The following MLLT10 variants were observed in gnomAD, a reference collection of about 807,000 sequenced individuals.
MLLT10 encodes protein AF-10.
In MLLT10, 30 loss-of-function variants were observed where a neutral mutation model predicts 129.1. The ratio of observed to expected loss-of-function variants is 0.23; its 90% CI spans 0.17 to 0.32. MLLT10 has a LOEUF of 0.32. MLLT10 is among the 10% of genes least tolerant of loss of function. The pLI is 1.00. For synonymous variants in MLLT10, 490 were observed against 446.4 expected (o/e 1.10, Z -1.23); for missense variants, 1,119 against 1,268.3 (o/e 0.88, Z 1.79).
chr10:21,658,955 C>T (rs1395144755), intron 9 of MLLT10, among the ~76,000 whole-genome samples: 3 of 152,022 alleles, frequency 2.0e-5, no homozygotes, highest in African/African-American at 7.2e-5. Flanking sequence ...CATGAGCCAC[C>T]GTGCTTAGCT....
chr10:21,689,127 T>C (rs2053574788), intron 13 of MLLT10, among the ~76,000 whole-genome samples: 2 of 152,124 alleles, frequency 1.3e-5, no homozygotes, highest in African/African-American at 4.8e-5. Context: ...TTCTTGAGAC[T>C]GTCTTAGCTT....
chr10:21,716,036 G>A (rs1472421256), intron 14 of MLLT10, among the ~76,000 whole-genome samples: 2 of 152,232 alleles, frequency 1.3e-5, no homozygotes, highest in Non-Finnish European at 2.9e-5. Context: ...GAGGCACGTT[G>A]ACCTCTCAGT....
chr10:21,697,860 C>T (rs1044557235), intron 13 of MLLT10, among the ~76,000 whole-genome samples: 1 of 152,206 alleles, frequency 6.6e-6, no homozygotes, highest in East Asian at 1.9e-4. Context: ...CGATTAACAA[C>T]AGAAGTGTTT....
At chr10:21,606,252 C>T (rs1422116320) in intron 5 of MLLT10, among the ~76,000 whole-genome samples, 1 of 152,144 alleles carries the variant, frequency 6.6e-6, no homozygotes, top group East Asian at 1.9e-4. Context: ...ATTAGTAACC[C>T]TTTGACAAGG....
chr10:21,700,572 C>T (rs906211758), intron 13 of MLLT10, among the ~76,000 whole-genome samples: 5 of 151,952 alleles, frequency 3.3e-5, no homozygotes, highest in East Asian at 1.9e-4. Context: ...TAATATGAAG[C>T]GATGTTGAAT....
intron 9 of MLLT10, among the ~76,000 whole-genome samples, chr10:21,653,380 G>GA (rs1230840364): frequency 9.9e-5 from 15 of 152,238 alleles, no homozygotes; most frequent in African/African-American, 3.6e-4. Flanking sequence ...GTCAGGTGGG[G>GA]ATCAGCCCTT....
chr10:21,708,818 C>T (rs893498985), intron 13 of MLLT10: 2 of 835,336 alleles, frequency 2.4e-6, no homozygotes, highest in Non-Finnish European at 2.9e-6. Flanking sequence ...ATTAGAGGAC[C>T]TGGTAGTTAC....
At chr10:21,543,047 C>T (rs533299674) in intron 3 of MLLT10, among the ~76,000 whole-genome samples, 1 of 152,036 alleles carries the variant, frequency 6.6e-6, no homozygotes, top group Non-Finnish European at 1.5e-5. Context: ...CAGCATCCGC[C>T]TCCCGGGTTC....
At chr10:21,546,236 C>G (rs1221351516) in intron 3 of MLLT10, among the ~76,000 whole-genome samples, 1 of 151,446 alleles carries the variant, frequency 6.6e-6, no homozygotes, top group Non-Finnish European at 1.5e-5. Context: ...TGCCACGATG[C>G]TTGGCTAGTT....
At chr10:21,584,787 A>G (rs561548973) in intron 3 of MLLT10, among the ~76,000 whole-genome samples, 16 of 151,336 alleles carry the variant, frequency 1.1e-4, no homozygotes, top group Non-Finnish European at 1.9e-4. Flanking sequence ...GTATGTGTGT[A>G]TATATATATA....
chr10:21,543,893 C>T (rs1433089915), intron 3 of MLLT10, among the ~76,000 whole-genome samples: 1 of 152,164 alleles, frequency 6.6e-6, no homozygotes, highest in Non-Finnish European at 1.5e-5. Flanking sequence ...ATGTATTTCA[C>T]CCAGAAAGGG....
intron 3 of MLLT10, chr10:21,557,948 C>CTTTTTTTTTTTTTTTTTTT (rs945740582): frequency 9.6e-6 from 1 of 104,458 alleles, no homozygotes; most frequent in East Asian, 2.5e-4. Context: ...TTTTTTTTTT[C>CTTTTTTTTTTTTTTTTTTT]TTTTTTTTTT....
chr10:21,584,167 C>CT (rs1307789215), intron 3 of MLLT10, among the ~76,000 whole-genome samples: 1,883 of 131,270 alleles, frequency 0.014, 22 homozygotes, highest in African/African-American at 0.029. Context: ...CGCGCCCAGC[C>CT]TTTTTTTTTT....
intron 8 of MLLT10, among the ~76,000 whole-genome samples, chr10:21,631,798 C>A (rs957782267): frequency 6.6e-6 from 1 of 152,074 alleles, no homozygotes. Flanking sequence ...AGGTTCCCCC[C>A]CCAACACTTG....
chr10:21,578,765 G>A (rs1355065357), intron 3 of MLLT10, among the ~76,000 whole-genome samples: 26 of 152,104 alleles, frequency 1.7e-4, no homozygotes, highest in Non-Finnish European at 2.5e-4. Flanking sequence ...AAGTCGTAAA[G>A]TATACAAAGC....
chr10:21,650,368 G>A (rs1355666988), intron 8 of MLLT10, among the ~76,000 whole-genome samples: 3 of 151,846 alleles, frequency 2.0e-5, no homozygotes, highest in Non-Finnish European at 4.4e-5. Context: ...AAAGAAAAGA[G>A]TATTATTATA....
intron 6 of MLLT10, among the ~76,000 whole-genome samples, chr10:21,614,397 A>G (rs963637308): frequency 1.3e-5 from 2 of 152,086 alleles, no homozygotes; most frequent in African/African-American, 4.8e-5. Context: ...TTGTAAGGTT[A>G]TGTAATCTGC....
At position 21,682,216 on chromosome 10, in the gene MLLT10, A is replaced by G; in HGVS notation, c.1667-9A>G. On this transcript the variant is annotated splice_polypyrimidine_tract_variant and intron_variant, in intron 12 of 22. Coordinates refer to ENST00000307729, the MANE Select transcript of MLLT10 (RefSeq NM_001195626.3). ...CTTAACCTGAAGTCCTTTTTTCCTT[A>G]CTTAAAAGCGTTCTCAGAGTTGCTG... 1 of 1,607,174 alleles carries G rather than the reference A, an allele frequency of 6.2e-7. No homozygotes were observed. The highest frequency in any genetic ancestry group is 8.5e-7 in the Non-Finnish European group (1 of 1,177,358).
rs1460087842 is a variant in MLLT10, at chr10:21,704,353, CTCTCTATATATATA to C, written c.1700-9417_1700-9404del. Among the ~76,000 whole-genome samples, 391 of 64,508 alleles carry C rather than the reference CTCTCTATATATATA, an allele frequency of 6.1e-3. 1 individual carries two copies. The highest frequency in any genetic ancestry group is 7.7e-3 in the Non-Finnish European group (238 of 30,760). 42.3% of individuals were successfully genotyped at this position (64,508 alleles called of 152,430 possible). ...ATTCTCTCTCTCTCTCTCTCTCTCTCTCTCTATATATATATATATATATATATATAATTATTACT... is the reference window on the plus strand; with the variant it reads ...ATTCTCTCTCTCTCTCTCTCTCTCTCTATATATATATATATAATTATTACT... On this transcript the variant is annotated intron_variant, in intron 13 of 22. Transcript: ENST00000307729.
Sources: gnomAD v4.1 joint callset for allele counts (sites outside exome capture counted in the v4.1 genomes callset) on GRCh38, gnomAD v4.1.1 for gene constraint, MANE v1.5 for transcripts, NCBI Gene and HGNC (gene_info 2026-07-23, HGNC 2026-07-21) for gene names.